REC114: variants seen among roughly 807,000 people sequenced by gnomAD.
REC114 encodes the protein meiotic recombination protein REC114.
A neutral mutation model predicts 31.3 loss-of-function variants in REC114; 27 were observed. The observed-to-expected ratio is 0.86, with a 90% CI of 0.64 to 1.19. The LOEUF is 1.19. Ranked by LOEUF, REC114 falls within the 50% of genes most tolerant of loss-of-function variation. The pLI is 0.00. For missense variants in REC114, 344 were observed against 326.9 expected (o/e 1.05, Z -0.40); for synonymous variants, 134 against 127.7 (o/e 1.05, Z -0.33).
At chr15:73,449,554 C>T (rs2151250443) in intron 1 of REC114, among the ~76,000 whole-genome samples, 1 of 152,218 alleles carries the variant, frequency 6.6e-6, no homozygotes, top group South Asian at 2.1e-4. Context: ...AGAATGGAAC[C>T]AAGTTGGAAA....
rs1465210221 is a variant in REC114, at chr15:73,513,820, G to A, written c.250-26665G>A. ...TGCCGGTTCTCAGATCTCCAGCTGC[G>A]TGCTGGGAGAACCACTGCTCTCTTC... On this transcript the variant is annotated intron_variant, in intron 2 of 5. Coordinates refer to ENST00000331090, the MANE Select transcript of REC114 (RefSeq NM_001042367.2). Among the ~76,000 whole-genome samples the A allele has an allele frequency of 5.6e-3, 851 of 151,460 alleles. 6 individuals carry two copies. Among genetic ancestry groups the A allele is most frequent in the African/African-American group, 0.02 (810 of 41,342 alleles).
intron 2 of REC114, among the ~76,000 whole-genome samples, chr15:73,536,132 T>C (rs1043950435): frequency 3.3e-5 from 5 of 151,970 alleles, no homozygotes; most frequent in African/African-American, 9.7e-5. Context: ...ACTTCATGTC[T>C]AAAACACCAA....
At chr15:73,534,784 A>G (rs1043794809) in intron 2 of REC114, among the ~76,000 whole-genome samples, 10 of 151,052 alleles carry the variant, frequency 6.6e-5, no homozygotes, top group East Asian at 1.9e-4. Flanking sequence ...TCCTCAATAA[A>G]ATACTGGCAA....
intron 1 of REC114, among the ~76,000 whole-genome samples, chr15:73,457,426 T>C (rs1892932204): frequency 6.6e-6 from 1 of 152,170 alleles, no homozygotes; most frequent in Non-Finnish European, 1.5e-5. Context: ...TACAGGTCTC[T>C]CTTCTCTGGT....
intron 2 of REC114, among the ~76,000 whole-genome samples, chr15:73,478,681 A>G (rs1366835966): frequency 2.6e-5 from 4 of 152,192 alleles, no homozygotes; most frequent in African/African-American, 9.6e-5. Flanking sequence ...GATTTCTTTT[A>G]CCATCTTCTA....
intron 1 of REC114, among the ~76,000 whole-genome samples, chr15:73,459,881 T>C (rs1287833775): frequency 6.6e-6 from 1 of 152,176 alleles, no homozygotes; most frequent in African/African-American, 2.4e-5. Flanking sequence ...GGTGGATAGG[T>C]AATGTAAGTG....
chr15:73,491,347 C>CTTTTTGTATATATAAGTA lies in REC114; in HGVS notation c.249+17429_249+17430insTTGTATATATAAGTATTT, dbSNP rs1298395921. 1.4e-4 allele frequency among the ~76,000 whole-genome samples: 18 copies of CTTTTTGTATATATAAGTA among 131,662 alleles called. 1 individual carries two copies. The highest frequency in any genetic ancestry group is 5.1e-4 in the African/African-American group (18 of 35,500). 86.4% of individuals were successfully genotyped at this position (131,662 alleles called of 152,430 possible). A position where few individuals can be genotyped will look rare whatever the true frequency, so the allele number is the denominator to read the frequency against. Reference sequence around the variant, plus strand: ...AAGTATTTGTGTATTATCTTAATTTCTTTGTGTACTATCTTAATTTCTTTG... The same window carrying CTTTTTGTATATATAAGTA: ...AAGTATTTGTGTATTATCTTAATTTCTTTTTGTATATATAAGTATTTGTGTACTATCTTAATTTCTTTG... On this transcript the variant is annotated intron_variant, in intron 2 of 5. Coordinates refer to ENST00000331090, the MANE Select transcript of REC114 (RefSeq NM_001042367.2).
At chr15:73,461,076 G>T (rs533402778) in intron 1 of REC114, among the ~76,000 whole-genome samples, 12 of 152,006 alleles carry the variant, frequency 7.9e-5, no homozygotes, top group African/African-American at 2.9e-4. Flanking sequence ...CATTGTAAAA[G>T]AAAAAGTTCT....
intron 2 of REC114, among the ~76,000 whole-genome samples, chr15:73,479,496 A>G (rs1199433413): frequency 6.6e-6 from 1 of 152,058 alleles, no homozygotes; most frequent in Non-Finnish European, 1.5e-5. Flanking sequence ...TAGTGCTATT[A>G]TCTATATTTA....
At position 73,507,922 on chromosome 15, in the gene REC114, G is replaced by A. The variant is rs114287322; in HGVS notation, c.250-32563G>A. On this transcript the variant is annotated intron_variant, in intron 2 of 5. Transcript: ENST00000331090. ...AACCTTCTCAGAAAGCCATTTCCAA[G>A]TACCTAGGGTCATGAATGGCTTTTA... 4.9e-3 allele frequency among the ~76,000 whole-genome samples: 749 copies of A among 152,216 alleles called. 4 individuals are homozygous for A. The highest frequency in any genetic ancestry group is 0.017 in the African/African-American group (699 of 41,534).
At position 73,456,443 on chromosome 15, in the gene REC114, T is replaced by C. The variant is rs532158198; in HGVS notation, c.159+13099T>C. Among the ~76,000 whole-genome samples, 3 of 152,260 alleles carry C rather than the reference T, an allele frequency of 2.0e-5. No individual in the cohort carries two copies. The East Asian group carries it at 5.8e-4, about 29-fold the overall frequency. The stretch of plus-strand genomic sequence containing the variant: ...AGAAATAGAATGTGAAGTTTGTACT[T>C]GAAATGAACTTTTAAATGTGGATTC... On this transcript the variant is annotated intron_variant, in intron 1 of 5. Coordinates refer to ENST00000331090, the MANE Select transcript of REC114 (RefSeq NM_001042367.2).
intron 1 of REC114, among the ~76,000 whole-genome samples, chr15:73,464,395 T>G (rs145570835): frequency 6.6e-6 from 1 of 152,234 alleles, no homozygotes; most frequent in African/African-American, 2.4e-5. Context: ...CTGTTGTCAG[T>G]CTCCTCTAGC....
chr15:73,503,722 AT>A (rs1197256540), intron 2 of REC114, among the ~76,000 whole-genome samples: 1 of 152,050 alleles, frequency 6.6e-6, no homozygotes. Context: ...CTTATTGGCA[AT>A]TTGGGTTTCC....
intron 1 of REC114, among the ~76,000 whole-genome samples, chr15:73,464,474 A>AACTTTCCTT (rs1327445581): frequency 3.3e-5 from 5 of 151,998 alleles, no homozygotes; most frequent in African/African-American, 1.2e-4. Context: ...CCCATTGGGT[A>AACTTTCCTT]TGTAGCTATT....
intron 2 of REC114, among the ~76,000 whole-genome samples, chr15:73,481,077 A>G (rs547724403): frequency 6.0e-4 from 91 of 152,272 alleles, no homozygotes; most frequent in African/African-American, 2.1e-3. Context: ...TAAATATCAT[A>G]TATTTATATT....
intron 2 of REC114, among the ~76,000 whole-genome samples, chr15:73,525,608 T>C (rs192574384): frequency 1.3e-5 from 2 of 152,256 alleles, no homozygotes; most frequent in Admixed American, 6.5e-5. Flanking sequence ...CATTGTGTTA[T>C]TTAATTTGTA....
chr15:73,551,098 C>G lies in REC114; in HGVS notation c.494C>G (p.Ala165Gly). ...ELQLIPGPPR[A>G]TESQGKDSAK... The stretch of plus-strand genomic sequence containing the variant: ...CAGCTGATTCCTGGCCCACCCAGGG[C>G]AACTGAAAGTCAAGGGAAGGATTCT... Residue 165 changes from alanine (A) to glycine (G), a missense_variant, in exon 4 of 6, where the codon GCA (alanine) becomes GGA (glycine). By Grantham distance (60) the Ala-to-Gly change is moderately conservative (BLOSUM62 0). Coordinates refer to ENST00000331090, the MANE Select transcript of REC114 (RefSeq NM_001042367.2). 1.9e-6 allele frequency: 3 copies of G among 1,613,260 alleles called. No homozygotes were observed. Among genetic ancestry groups the G allele is most frequent in the South Asian group, 2.2e-5 (2 of 90,994 alleles).
chr15:73,486,073 GA>G (rs2141299701), intron 2 of REC114, among the ~76,000 whole-genome samples: 1 of 152,300 alleles, frequency 6.6e-6, no homozygotes, highest in South Asian at 2.1e-4. Context: ...GAAGAAATAT[GA>G]GGCGAGGCAA....
chr15:73,532,189 G>T (rs77784820), intron 2 of REC114, among the ~76,000 whole-genome samples: 2 of 149,666 alleles, frequency 1.3e-5, no homozygotes, highest in Admixed American at 6.7e-5. Flanking sequence ...CTGTGTCCAT[G>T]TGATCTTATT....
Sources: gnomAD v4.1 joint callset for allele counts (sites outside exome capture counted in the v4.1 genomes callset) on GRCh38, gnomAD v4.1.1 for gene constraint, MANE v1.5 for transcripts, NCBI Gene and HGNC (gene_info 2026-07-23, HGNC 2026-07-21) for gene names.